Variants in PCDH15 observed in about 807,000 individuals in gnomAD.
PCDH15 encodes the protein protocadherin related 15.
Under a neutral mutation model 178.5 loss-of-function variants are expected in PCDH15, and 129 were observed. The observed-to-expected ratio is 0.72, with a 90% confidence interval of 0.63 to 0.84. The LOEUF is 0.84. PCDH15 is among the 40% of genes least tolerant of loss of function. The probability of loss-of-function intolerance (pLI) is 0.00; values close to 1 mark genes in which losing one functional copy is unlikely to be tolerated. For missense variants in PCDH15, 2,230 were observed against 2,099.9 expected (o/e 1.06, Z -1.21); for synonymous variants, 800 against 732.0 (o/e 1.09, Z -1.50).
intron 2 of PCDH15, among the ~76,000 whole-genome samples, chr10:54,649,381 C>G (rs943154019): frequency 4.0e-5 from 6 of 151,658 alleles, no homozygotes; most frequent in African/African-American, 1.5e-4. Context: ...TTATAATGCT[C>G]TAATTTTTCC....
chr10:55,315,718 T>C (rs148670723), intron 1 of PCDH15, among the ~76,000 whole-genome samples: 188 of 152,302 alleles, frequency 1.2e-3, no homozygotes, highest in African/African-American at 3.8e-3. Context: ...AAACTTTCTA[T>C]AGAAATACAA....
At chr10:54,374,920 T>TA (rs1948182918) in intron 4 of PCDH15, among the ~76,000 whole-genome samples, 1 of 152,100 alleles carries the variant, frequency 6.6e-6, no homozygotes, top group African/African-American at 2.4e-5. Flanking sequence ...AACACACTGT[T>TA]AAAAATGTTT....
chr10:53,963,669 T>A (rs1014779808), intron 21 of PCDH15, among the ~76,000 whole-genome samples: 15 of 152,116 alleles, frequency 9.9e-5, no homozygotes, highest in African/African-American at 1.4e-4. Flanking sequence ...AATTTATAAC[T>A]CTTCTACTAT....
chr10:55,217,700 A>C (rs1386976935), intron 1 of PCDH15, among the ~76,000 whole-genome samples: 1 of 151,978 alleles, frequency 6.6e-6, no homozygotes, highest in Non-Finnish European at 1.5e-5. Context: ...AAAGATGATT[A>C]CAAGATACTT....
At chr10:54,658,022 C>T (rs1040598827) in intron 2 of PCDH15, among the ~76,000 whole-genome samples, 1 of 152,032 alleles carries the variant, frequency 6.6e-6, no homozygotes, top group East Asian at 1.9e-4. Context: ...TAGTTGAAAG[C>T]TTTAACAATA....
chr10:54,588,217 A>G (rs2091633926), intron 2 of PCDH15, among the ~76,000 whole-genome samples: 1 of 152,168 alleles, frequency 6.6e-6, no homozygotes. Flanking sequence ...CACTAAATCA[A>G]TTTTAAGATA....
chr10:54,716,320 G>C, intron 1 of PCDH15, among the ~76,000 whole-genome samples: 1 of 152,112 alleles, frequency 6.6e-6, no homozygotes, highest in East Asian at 1.9e-4. Flanking sequence ...ATACCCATAA[G>C]TGACACCTAC....
chr10:53,918,032 C>T (rs1293984830), intron 25 of PCDH15, among the ~76,000 whole-genome samples: 4 of 152,150 alleles, frequency 2.6e-5, no homozygotes, highest in East Asian at 3.9e-4. Context: ...ACTTCCTGTA[C>T]AGCCTGTAGA....
At chr10:54,869,915 T>C (rs1054632075) in intron 3 of PCDH15, among the ~76,000 whole-genome samples, 1 of 152,162 alleles carries the variant, frequency 6.6e-6, no homozygotes, top group African/African-American at 2.4e-5. Flanking sequence ...ATGTCTACAA[T>C]TCCCTAGCAA....
chr10:53,866,965 C>T (rs1211476305), intron 26 of PCDH15, 108 bp from the exon 27 acceptor site: 2 of 756,928 alleles, frequency 2.6e-6, no homozygotes, highest in East Asian at 2.6e-5. Context: ...GTAATAATAA[C>T]ACAATAAAGC....
At chr10:54,543,421 C>T (rs1450411999) in intron 2 of PCDH15, among the ~76,000 whole-genome samples, 1 of 152,132 alleles carries the variant, frequency 6.6e-6, no homozygotes, top group East Asian at 1.9e-4. Context: ...CACATCCTGC[C>T]CATTTGCATG....
chr10:55,501,864 CCACACTAACT>C (rs1354781236), intron 2 of PCDH15, among the ~76,000 whole-genome samples: 1 of 151,708 alleles, frequency 6.6e-6, no homozygotes, highest in Non-Finnish European at 1.5e-5. Flanking sequence ...ATTCCATCAT[CCACACTAACT>C]TTGTACTTGA....
At chr10:54,702,622 A>G (rs1565984196) in intron 1 of PCDH15, among the ~76,000 whole-genome samples, 1 of 151,854 alleles carries the variant, frequency 6.6e-6, no homozygotes, top group Admixed American at 6.6e-5. Flanking sequence ...AAACTGATAA[A>G]TTCCTGGAAA....
intron 2 of PCDH15, among the ~76,000 whole-genome samples, chr10:54,985,995 A>G (rs541410628): frequency 1.3e-5 from 2 of 152,364 alleles, no homozygotes; most frequent in South Asian, 4.1e-4. Context: ...TGGGGTTTGA[A>G]GTAGAGGCCT....
rs898259198 is a variant in PCDH15, at chr10:53,803,864, T to A, written c.*2715A>T. The stretch of plus-strand genomic sequence containing the variant: ...CTGCCTGATTGAAGCTAGTGCTGAT[T>A]GAGAACAACAAGAAAACCTTCCTAC... On this transcript the variant is annotated 3_prime_UTR_variant, in exon 38 of 38. Coordinates refer to ENST00000644397, the MANE Select transcript of PCDH15 (RefSeq NM_001384140.1). The A allele has an allele frequency of 6.6e-6, 1 of 151,896 alleles. No individual in the cohort carries two copies. The highest frequency in any genetic ancestry group is 6.6e-5 in the Admixed American group (1 of 15,210). 9.4% of individuals were successfully genotyped at this position (151,896 alleles called of 1,614,324 possible). A position where few individuals can be genotyped will look rare whatever the true frequency, so the allele number is the denominator to read the frequency against.
At chr10:54,958,658 AG>A (rs1210831610) in intron 2 of PCDH15, among the ~76,000 whole-genome samples, 3 of 151,824 alleles carry the variant, frequency 2.0e-5, no homozygotes, top group Non-Finnish European at 4.4e-5. Flanking sequence ...TGCCAAGTAT[AG>A]TACAACTTAC....
At chr10:54,678,378 T>C (rs1433259290) in intron 1 of PCDH15, among the ~76,000 whole-genome samples, 2 of 152,136 alleles carry the variant, frequency 1.3e-5, no homozygotes, top group African/African-American at 4.8e-5. Context: ...TTTATTTATG[T>C]TTTTTGTACT....
At chr10:54,611,147 A>C (rs2092947617) in intron 2 of PCDH15, among the ~76,000 whole-genome samples, 1 of 151,896 alleles carries the variant, frequency 6.6e-6, no homozygotes, top group East Asian at 1.9e-4. Context: ...AGATTTTAAT[A>C]ACTGTTGAGT....
intron 2 of PCDH15, among the ~76,000 whole-genome samples, chr10:55,475,962 T>C (rs115342970): frequency 3.3e-5 from 5 of 152,214 alleles, no homozygotes; most frequent in Middle Eastern, 6.8e-3. Context: ...TTGCACTATA[T>C]CTGAATAACA....
Sources: allele counts gnomAD v4.1 joint callset (sites outside exome capture counted in the v4.1 genomes callset), GRCh38; gene constraint gnomAD v4.1.1; transcripts MANE v1.5; gene names NCBI Gene and HGNC (gene_info 2026-07-23, HGNC 2026-07-21).